Variants in ZNF565 observed in about 807,000 individuals in gnomAD.
The protein encoded by ZNF565 is zinc finger protein 565.
ZNF565 carries 27 observed loss-of-function variants against 39.4 expected under a neutral mutation model. The observed-to-expected ratio is 0.69, with a 90% confidence interval of 0.51 to 0.95. The LOEUF (loss-of-function observed/expected upper bound fraction) is 0.95. ZNF565 is among the 40% of genes least tolerant of loss of function. The pLI is 0.00. For missense variants in ZNF565, 524 were observed against 621.1 expected, an observed-to-expected ratio of 0.84 and a Z score of 1.66; for synonymous variants, 185 against 216.6, an observed-to-expected ratio of 0.85 and a Z score of 1.28.
chr19:36,221,936 T>C (rs962552175), intron 1 of ZNF565, among the ~76,000 whole-genome samples: 54 of 128,824 alleles, frequency 4.2e-4, no homozygotes, highest in African/African-American at 1.4e-3. Flanking sequence ...TCTTTTTTTT[T>C]TTTTTTTTTT....
At chr19:36,185,867 C>CT (rs1975279268) in intron 4 of ZNF565, among the ~76,000 whole-genome samples, 1 of 148,150 alleles carries the variant, frequency 6.7e-6, no homozygotes. Flanking sequence ...GTAATTTTTG[C>CT]TTTTTTAGTA....
chr19:36,208,729 G>T (rs763042483), intron 1 of ZNF565, among the ~76,000 whole-genome samples: 8 of 152,186 alleles, frequency 5.3e-5, no homozygotes, highest in Non-Finnish European at 1.0e-4. Flanking sequence ...CAAGTTATGG[G>T]AGCTAGACAG....
chr19:36,203,974 G>C (rs919005607), intron 1 of ZNF565, among the ~76,000 whole-genome samples: 3 of 150,346 alleles, frequency 2.0e-5, no homozygotes, highest in African/African-American at 7.3e-5. Flanking sequence ...TTTTGAAATG[G>C]GGTTTCACTC....
intron 4 of ZNF565, among the ~76,000 whole-genome samples, chr19:36,191,255 G>C (rs1469022863): frequency 1.3e-5 from 2 of 151,268 alleles, no homozygotes; most frequent in African/African-American, 4.9e-5. Flanking sequence ...AAGATGTTAA[G>C]GTCTTGCTTT....
At chr19:36,239,744 T>TA (rs1395995615) in intron 1 of ZNF565, among the ~76,000 whole-genome samples, 1 of 152,196 alleles carries the variant, frequency 6.6e-6, no homozygotes, top group Non-Finnish European at 1.5e-5. Context: ...CCACTGCTGT[T>TA]ACAGAGAGAG....
chr19:36,194,631 T>A (rs941028005), intron 3 of ZNF565: 2 of 468,456 alleles, frequency 4.3e-6, no homozygotes, highest in African/African-American at 1.9e-5. Context: ...TCACTCTCCA[T>A]GAACCCCTCC....
rs1975710955 is a variant in ZNF565 at position 36,195,151 on chromosome 19, C to T, written c.15G>A (p.Leu5=). 6.2e-7 allele frequency: 1 copy of T among 1,613,700 alleles called. No homozygotes were observed. The highest frequency in any genetic ancestry group is 1.7e-5 in the Admixed American group (1 of 59,984). ...CTATGGCCACGTCCCTGAATGTCACCAGTCCCTGAAACAATAAACCCACGC... is the reference window on the plus strand; with the variant it reads ...CTATGGCCACGTCCCTGAATGTCACTAGTCCCTGAAACAATAAACCCACGC... MAQG[L]VTFRDVAIEF... The change falls in exon 3 of 5, where the codon CTG becomes CTA. Residue 5 remains leucine, a synonymous_variant. Coordinates refer to ENST00000304116, the MANE Select transcript of ZNF565 (RefSeq NM_152477.5).
intron 1 of ZNF565, among the ~76,000 whole-genome samples, chr19:36,243,690 AGT>A (rs756091108): frequency 3.6e-5 from 5 of 139,762 alleles, no homozygotes; most frequent in Admixed American, 3.4e-4. Flanking sequence ...GGTGTGACAG[AGT>A]GAGAGAGGGG....
intron 1 of ZNF565, among the ~76,000 whole-genome samples, chr19:36,206,782 A>C (rs1291401065): frequency 6.6e-6 from 1 of 151,938 alleles, no homozygotes; most frequent in Non-Finnish European, 1.5e-5. Context: ...TAGTGAGTTG[A>C]TATTGTGCCA....
rs1975709174 is a variant in ZNF565, at chr19:36,195,103, C to T, written c.63G>A (p.Lys21=). 6.2e-7 allele frequency: 1 copy of T among 1,614,168 alleles called. No individual in the cohort carries two copies. The highest frequency in any genetic ancestry group is 1.3e-5 in the African/African-American group (1 of 75,032). Reference sequence around the variant, plus strand: ...AGTCCCTCTGAGCAGGTTCCAGGCACTTCCATTCTTCCAGAGAGAACTCTA... The same window carrying T: ...AGTCCCTCTGAGCAGGTTCCAGGCATTTCCATTCTTCCAGAGAGAACTCTA... The part of the protein sequence containing the change: ...VAIEFSLEEW[K]CLEPAQRDLY... The change falls in exon 3 of 5, where the codon AAG becomes AAA. Residue 21 remains lysine (K), a synonymous_variant. Coordinates refer to ENST00000304116, the MANE Select transcript of ZNF565 (RefSeq NM_152477.5).
At chr19:36,238,269 C>T (rs969747643) in intron 1 of ZNF565, 3 of 167,006 alleles carry the variant, frequency 1.8e-5, no homozygotes, top group Non-Finnish European at 4.4e-5. Flanking sequence ...TAAAAGTTTC[C>T]TCATAAAACT....
In ZNF565 at chr19:36,236,455, C is replaced by T. The variant is rs144672702; in HGVS notation, c.55+9021G>A. On this transcript the variant is annotated intron_variant, in intron 1 of 4. Transcript: ENST00000355114. ...CTTCCATTCAGATGTCACACCTCAG[C>T]CAGCAGAGAATTTACAGTGGGGAAA... The T allele has an allele frequency of 3.1e-6, 5 of 1,603,760 alleles. No individual in the cohort carries two copies. The East Asian group carries it at 6.7e-5, about 22-fold the overall frequency.
rs371517343 is a variant in ZNF565, at chr19:36,185,862, T to C, written c.233-2129A>G. Among the ~76,000 whole-genome samples the C allele has an allele frequency of 2.7e-5, 4 of 149,762 alleles. No individual in the cohort carries two copies. In the East Asian group the frequency reaches 7.9e-4, roughly 30 times the overall value. On this transcript the variant is annotated intron_variant, in intron 4 of 4. Transcript: ENST00000304116. ...GTGCCTGCCACCATGCCTGGGTAAT[T>C]TTTGCTTTTTTAGTAGAGATGGAGT...
chr19:36,205,091 T>C (rs78836174), intron 1 of ZNF565, among the ~76,000 whole-genome samples: 1 of 152,186 alleles, frequency 6.6e-6, no homozygotes, highest in East Asian at 1.9e-4. Context: ...CCACAGTGTC[T>C]GGAGGACATA....
chr19:36,183,796 T>A, intron 4 of ZNF565, 63 bp from the exon 5 acceptor site: 1 of 1,466,360 alleles, frequency 6.8e-7, no homozygotes, highest in East Asian at 2.3e-5. Flanking sequence ...TAAAAAATTC[T>A]ATAGTAGAGG....
At chr19:36,202,970 A>C (rs978504529) in intron 1 of ZNF565, among the ~76,000 whole-genome samples, 3 of 152,088 alleles carry the variant, frequency 2.0e-5, no homozygotes, top group Non-Finnish European at 4.4e-5. Context: ...TGGGAACTCA[A>C]TTTCTAGAAG....
At position 36,233,770 on chromosome 19, in the gene ZNF565, A is replaced by G. The variant is rs140957499; in HGVS notation, c.55+11706T>C. On this transcript the variant is annotated intron_variant, in intron 1 of 4. Transcript: ENST00000355114. ...TCCAGCCCTAAGGCGGTTTTCCCCT[A>G]TCTCAGTAGATGGAATATACAATCC... is the stretch of plus-strand genomic sequence containing the variant. Among the ~76,000 whole-genome samples, 204 of 152,308 alleles carry G rather than the reference A, an allele frequency of 1.3e-3. 1 individual carries two copies. The highest frequency in any genetic ancestry group is 4.5e-3 in the African/African-American group (186 of 41,574).
intron 1 of ZNF565, among the ~76,000 whole-genome samples, chr19:36,235,234 T>TGAA (rs1000757941): frequency 6.8e-5 from 10 of 147,128 alleles, no homozygotes; most frequent in Admixed American, 6.7e-4. Context: ...GAAAGAAAGA[T>TGAA]GAACATTATT....
At chr19:36,239,165 G>A (rs1393086346) in intron 1 of ZNF565, among the ~76,000 whole-genome samples, 1 of 152,054 alleles carries the variant, frequency 6.6e-6, no homozygotes, top group Non-Finnish European at 1.5e-5. Context: ...CTAACATTTT[G>A]CAGAATGAGC....
Sources: allele counts gnomAD v4.1 joint callset (sites outside exome capture counted in the v4.1 genomes callset), GRCh38; gene constraint gnomAD v4.1.1; transcripts MANE v1.5; gene names NCBI Gene and HGNC (gene_info 2026-07-23, HGNC 2026-07-21).